RAD51B: variants seen among roughly 807,000 people sequenced by gnomAD.
RAD51B encodes DNA repair protein RAD51 homolog 2.
In RAD51B, 38 loss-of-function variants were observed where a neutral mutation model predicts 42.2. The observed-to-expected ratio is 0.90, with a 90% confidence interval of 0.70 to 1.18. The LOEUF is 1.18. RAD51B is among the 50% of genes most tolerant of loss of function. The probability of loss-of-function intolerance (pLI) is 0.00; values close to 1 mark genes in which losing one functional copy is unlikely to be tolerated. For synonymous variants in RAD51B, 154 were observed against 145.2 expected (o/e 1.06, Z -0.43); for missense variants, 373 against 400.7 (o/e 0.93, Z 0.59).
intron 7 of RAD51B, among the ~76,000 whole-genome samples, chr14:68,243,406 G>A (rs1443141189): frequency 6.6e-6 from 1 of 152,004 alleles, no homozygotes; most frequent in Admixed American, 6.6e-5. Context: ...TATCTTTTTG[G>A]TTAAGTCATC....
intron 7 of RAD51B, among the ~76,000 whole-genome samples, chr14:68,025,476 CTTTTTTTTTTTT>C (rs765471138): frequency 2.0e-4 from 8 of 40,978 alleles, no homozygotes; most frequent in Admixed American, 1.4e-3. Flanking sequence ...CTGGTCTAGG[CTTTTTTTTTTTT>C]TTTTTTTTTT....
intron 10 of RAD51B, among the ~76,000 whole-genome samples, chr14:68,487,834 A>G (rs1211107139): frequency 6.6e-6 from 1 of 152,168 alleles, no homozygotes; most frequent in Non-Finnish European, 1.5e-5. Flanking sequence ...TAAAGGCCTT[A>G]TCTCCAAATA....
At chr14:68,547,849 G>A (rs1888317535) in intron 10 of RAD51B, among the ~76,000 whole-genome samples, 1 of 152,196 alleles carries the variant, frequency 6.6e-6, no homozygotes, top group African/African-American at 2.4e-5. Flanking sequence ...CAGACCTGCA[G>A]GCCTTTTTTA....
At chr14:68,273,607 A>G (rs996118584) in intron 7 of RAD51B, among the ~76,000 whole-genome samples, 4 of 152,198 alleles carry the variant, frequency 2.6e-5, no homozygotes, top group Non-Finnish European at 5.9e-5. Context: ...GTGCAGATCT[A>G]TCTGTCAGGT....
intron 7 of RAD51B, among the ~76,000 whole-genome samples, chr14:68,194,525 G>C (rs2079330590): frequency 6.6e-6 from 1 of 152,176 alleles, no homozygotes. Context: ...CAGAAGGCCA[G>C]GGACGGATTA....
chr14:68,598,766 G>T (rs1347988235), downstream of RAD51B, among the ~76,000 whole-genome samples: 1 of 152,248 alleles, frequency 6.6e-6, no homozygotes, highest in Non-Finnish European at 1.5e-5. Flanking sequence ...CAGGCCCAGG[G>T]CAGTGTCAGG....
intron 7 of RAD51B, among the ~76,000 whole-genome samples, chr14:67,949,967 A>G (rs2074412990): frequency 6.6e-6 from 1 of 152,160 alleles, no homozygotes; most frequent in South Asian, 2.1e-4. Flanking sequence ...TCAGTAAACC[A>G]TGCTATAAAC....
At chr14:68,596,069 T>TGG, downstream of RAD51B, 1 of 1,041,530 alleles carries the variant, frequency 9.6e-7, no homozygotes, top group Non-Finnish European at 1.2e-6. Flanking sequence ...TCCTGTTTCT[T>TGG]ATCCCATGTC....
At chr14:67,838,420 T>A (rs1173737668) in intron 4 of RAD51B, among the ~76,000 whole-genome samples, 1 of 152,080 alleles carries the variant, frequency 6.6e-6, no homozygotes, top group East Asian at 1.9e-4. Flanking sequence ...GTATTGTTTT[T>A]ATTTATTTTT....
Position 67,948,788 on chromosome 14 carries a change from C to T in RAD51B, c.756+61584C>T, listed in dbSNP as rs190032156. Among the ~76,000 whole-genome samples the T allele has an allele frequency of 4.4e-4, 66 of 151,544 alleles. 1 individual carries two copies. In the East Asian group the frequency reaches 7.2e-3, roughly 17 times the overall value. On this transcript the variant is annotated intron_variant, in intron 7 of 10. Coordinates refer to ENST00000471583, the MANE Select transcript of RAD51B (RefSeq NM_133510.4). ...CTACTAAAAATACAAAAAAATTAGC[C>T]GGGCATGGTTGTGGGCGCCTGTAGT...
chr14:68,369,615 G>C (rs1340726054), intron 8 of RAD51B, among the ~76,000 whole-genome samples: 1 of 152,120 alleles, frequency 6.6e-6, no homozygotes, highest in East Asian at 1.9e-4. Context: ...AACTCCTCCT[G>C]TTCTTTCAAA....
At chr14:68,556,268 A>G (rs1888839704) in intron 10 of RAD51B, among the ~76,000 whole-genome samples, 2 of 152,158 alleles carry the variant, frequency 1.3e-5, no homozygotes, top group Non-Finnish European at 2.9e-5. Context: ...GACCAGAGCC[A>G]TCCTTGGGCA....
At chr14:67,870,198 G>A (rs1251368572) in intron 5 of RAD51B, among the ~76,000 whole-genome samples, 5 of 151,404 alleles carry the variant, frequency 3.3e-5, no homozygotes, top group East Asian at 1.9e-4. Context: ...CCCATCTCAC[G>A]TGCAGAGACA....
chr14:67,829,573 A>G (rs2040962174), intron 3 of RAD51B, among the ~76,000 whole-genome samples: 1 of 133,646 alleles, frequency 7.5e-6, no homozygotes, highest in South Asian at 2.3e-4. Context: ...GCAATTGTGA[A>G]TGGAGTTCAT....
chr14:68,308,991 G>A (rs575289429), intron 8 of RAD51B, among the ~76,000 whole-genome samples: 8 of 152,160 alleles, frequency 5.3e-5, no homozygotes, highest in Non-Finnish European at 1.0e-4. Flanking sequence ...AATCCTCGCT[G>A]TCATGTCATA....
At chr14:67,922,733 G>A (rs886674188) in intron 7 of RAD51B, among the ~76,000 whole-genome samples, 4 of 146,662 alleles carry the variant, frequency 2.7e-5, no homozygotes, top group South Asian at 2.2e-4. Context: ...GCTCTGTCGC[G>A]CGGCCTGGAG....
intron 7 of RAD51B, among the ~76,000 whole-genome samples, chr14:68,181,055 G>A (rs938999913): frequency 3.9e-5 from 6 of 152,220 alleles, no homozygotes; most frequent in Admixed American, 3.9e-4. Context: ...TTACATCAAT[G>A]TTTGGATGCT....
At chr14:67,868,089 G>A (rs1595031612) in intron 5 of RAD51B, among the ~76,000 whole-genome samples, 2 of 152,316 alleles carry the variant, frequency 1.3e-5, no homozygotes, top group East Asian at 3.9e-4. Context: ...GAGCCAAGAT[G>A]GCCGAATAGG....
chr14:68,614,754 G>T (rs554339469), downstream of RAD51B, among the ~76,000 whole-genome samples: 3 of 152,280 alleles, frequency 2.0e-5, no homozygotes, highest in African/African-American at 7.2e-5. Flanking sequence ...TTGTTTATCT[G>T]TTCATCAGTT....
Sources: allele counts gnomAD v4.1 joint callset (sites outside exome capture counted in the v4.1 genomes callset), GRCh38; gene constraint gnomAD v4.1.1; transcripts MANE v1.5; gene names NCBI Gene and HGNC (gene_info 2026-07-23, HGNC 2026-07-21).